The following MLXIP variants were observed in gnomAD, a reference collection of about 807,000 sequenced individuals.
The protein encoded by MLXIP is MLX interacting protein.
MLXIP carries 30 observed loss-of-function variants against 87.2 expected under a neutral mutation model. The observed-to-expected ratio is 0.34, with a 90% CI of 0.26 to 0.47. The LOEUF (loss-of-function observed/expected upper bound fraction) is 0.47. Ranked by LOEUF, MLXIP falls within the 20% of genes least tolerant of loss-of-function variation. The pLI is 1.00. For missense variants in MLXIP, 1,002 were observed against 1,240.1 expected (o/e 0.81, Z 2.88); for synonymous variants, 530 against 514.0 (o/e 1.03, Z -0.42).
chr12:122,088,077 G>A (rs563882276), intron 1 of MLXIP, among the ~76,000 whole-genome samples: 131 of 152,222 alleles, frequency 8.6e-4, no homozygotes, highest in Middle Eastern at 3.4e-3. Flanking sequence ...AGCCGTGGGC[G>A]GGCAGCTTCC....
chr12:122,125,288 C>T (rs1285137860), intron 1 of MLXIP, among the ~76,000 whole-genome samples: 2 of 151,404 alleles, frequency 1.3e-5, no homozygotes, highest in East Asian at 3.9e-4. Context: ...GCCAAGATCT[C>T]GCCACTGCAC....
intron 1 of MLXIP, among the ~76,000 whole-genome samples, chr12:122,107,199 C>T (rs1952534321): frequency 6.6e-6 from 1 of 152,122 alleles, no homozygotes; most frequent in Admixed American, 6.5e-5. Flanking sequence ...GGTGGCATTT[C>T]CTCGTGGCGG....
At chr12:122,083,445 G>A (rs1026417404) in intron 1 of MLXIP, among the ~76,000 whole-genome samples, 8 of 150,916 alleles carry the variant, frequency 5.3e-5, no homozygotes, top group African/African-American at 1.7e-4. Context: ...ACGGAGTTTC[G>A]CTCATGTTGC....
chr12:122,114,800 C>T (rs997857083), intron 1 of MLXIP, among the ~76,000 whole-genome samples: 2 of 142,086 alleles, frequency 1.4e-5, no homozygotes, highest in African/African-American at 5.3e-5. Context: ...GACTGGAGTG[C>T]GGTGGCACGA....
At chr12:122,097,279 C>T (rs150870813) in intron 1 of MLXIP, among the ~76,000 whole-genome samples, 76,778 of 151,898 alleles carry the variant, frequency 0.51, 19,914 homozygotes, top group Middle Eastern at 0.64. Context: ...AGTCCTGTCA[C>T]CCTGGCCTCA....
chr12:122,099,739 T>G (rs1952409167), intron 1 of MLXIP, among the ~76,000 whole-genome samples: 1 of 152,218 alleles, frequency 6.6e-6, no homozygotes, highest in Admixed American at 6.5e-5. Context: ...CCTCCTTGGT[T>G]TCCTATTTGT....
intron 1 of MLXIP, among the ~76,000 whole-genome samples, chr12:122,096,356 C>T (rs974645526): frequency 1.8e-4 from 28 of 152,050 alleles, no homozygotes; most frequent in Admixed American, 3.3e-4. Context: ...TTGATAACGC[C>T]TCCCATGTTT....
chr12:122,129,107 T>A, intron 3 of MLXIP, 30 bp from the exon 4 acceptor site: 2 of 1,561,276 alleles, frequency 1.3e-6, no homozygotes, highest in Non-Finnish European at 1.7e-6. Context: ...CAGAGCCCCC[T>A]CTTCACTCTG....
rs1025116853 is a variant in MLXIP at position 122,143,773 on chromosome 12, T to A, written c.*1961T>A. On this transcript the variant is annotated 3_prime_UTR_variant, in exon 17 of 17. Transcript: ENST00000319080. Reference sequence around the variant, plus strand: ...CCACCCCTTGCTGGGGAGTCATTTTTAAAAAAATCTGTGGGATATAAAATT... The same window carrying A: ...CCACCCCTTGCTGGGGAGTCATTTTAAAAAAAATCTGTGGGATATAAAATT... 12 of 152,180 alleles carry A rather than the reference T, an allele frequency of 7.9e-5. No individual in the cohort carries two copies. Among genetic ancestry groups the A allele is most frequent in the Admixed American group, 4.6e-4 (7 of 15,272 alleles). 9.4% of individuals were successfully genotyped at this position (152,180 alleles called of 1,614,324 possible). A position where few individuals can be genotyped will look rare whatever the true frequency, so the allele number is the denominator to read the frequency against.
intron 1 of MLXIP, among the ~76,000 whole-genome samples, chr12:122,107,026 C>G (rs1231300659): frequency 6.6e-6 from 1 of 152,200 alleles, no homozygotes; most frequent in African/African-American, 2.4e-5. Context: ...TCTGAGAGCA[C>G]TGGCAGGGGT....
At position 122,134,004 on chromosome 12, in the gene MLXIP, G is replaced by C; in HGVS notation, c.1732+17G>C. ...TCGCCCCAGGTGAGCCAGGCGGGGA[G>C]ACTCAGTGCGGGGCTCCCCCCGACC... On this transcript the variant is annotated intron_variant, in intron 9 of 16. Transcript: ENST00000319080. 6.3e-7 allele frequency: 1 copy of C among 1,583,210 alleles called. No homozygotes were observed. The highest frequency in any genetic ancestry group is 1.2e-5 in the South Asian group (1 of 86,808).
intron 7 of MLXIP, among the ~76,000 whole-genome samples, chr12:122,131,300 C>T (rs541755168): frequency 2.0e-4 from 31 of 152,092 alleles, no homozygotes; most frequent in Middle Eastern, 3.4e-3. Flanking sequence ...TTTCAGAGCC[C>T]AGGATAGTTG....
At chr12:122,140,086 C>T (rs981317703) in intron 15 of MLXIP, among the ~76,000 whole-genome samples, 5 of 152,276 alleles carry the variant, frequency 3.3e-5, no homozygotes, top group Non-Finnish European at 7.4e-5. Context: ...AGCTGGGTGG[C>T]GTCTGGAATG....
Position 122,147,339 on chromosome 12 carries a change from T to C in MLXIP, c.*5527T>C, listed in dbSNP as rs1332722987. The C allele has an allele frequency of 2.0e-5, 3 of 152,318 alleles. No individual in the cohort carries two copies. The highest frequency in any genetic ancestry group is 7.2e-5 in the African/African-American group (3 of 41,560). The allele number at this position is 152,318 out of a possible 1,614,324, so 9.4% of individuals were successfully genotyped here. On this transcript the variant is annotated 3_prime_UTR_variant, in exon 17 of 17. Transcript: ENST00000319080. ...GACAATAAAGACACCTTATTTTTTT[T>C]GAAAAGCCTGTGATGTGTGGCCTTA... is the stretch of plus-strand genomic sequence containing the variant.
At chr12:122,125,834 C>T (rs1294949049) in intron 1 of MLXIP, among the ~76,000 whole-genome samples, 1 of 152,152 alleles carries the variant, frequency 6.6e-6, no homozygotes, top group Non-Finnish European at 1.5e-5. Flanking sequence ...AGCCTGGGCT[C>T]CTTGGGGGTT....
At position 122,137,778 on chromosome 12, in the gene MLXIP, G is replaced by GA; in HGVS notation, c.2154+189dup. The GA allele has an allele frequency of 2.1e-6, 1 of 472,752 alleles. No homozygotes were observed. The highest frequency in any genetic ancestry group is 2.8e-6 in the Non-Finnish European group (1 of 361,670). 29.3% of individuals were successfully genotyped at this position (472,752 alleles called of 1,614,324 possible). A position where few individuals can be genotyped will look rare whatever the true frequency, so the allele number is the denominator to read the frequency against. ...CCCTGTGGGGATGGTGGGCCCCCTG[G>GA]AGGCTTTTGGGTGAGCCCCAAGCCT... On this transcript the variant is annotated intron_variant, in intron 12 of 16. Coordinates refer to ENST00000319080, the MANE Select transcript of MLXIP (RefSeq NM_014938.6). The surrounding 1 kb of genome is among the most constrained non-coding windows in gnomAD (Gnocchi z 4.1).
chr12:122,141,182 G>A, intron 16 of MLXIP, 99 bp downstream of exon 16: 1 of 1,455,846 alleles, frequency 6.9e-7, no homozygotes. Context: ...ACTGCAGGCA[G>A]CCAGGTGGGG....
Position 122,135,842 on chromosome 12 carries a change from G to A in MLXIP, c.2032+176G>A, listed in dbSNP as rs1953081443. 1 of 809,706 alleles carries A rather than the reference G, an allele frequency of 1.2e-6. No individual in the cohort carries two copies. Among genetic ancestry groups the A allele is most frequent in the African/African-American group, 1.8e-5 (1 of 55,864 alleles). 50.2% of individuals were successfully genotyped at this position (809,706 alleles called of 1,614,324 possible). On this transcript the variant is annotated intron_variant, in intron 11 of 16. Transcript: ENST00000319080. The surrounding 1 kb of genome is among the most constrained non-coding windows in gnomAD (Gnocchi z 5.3). ...TGGGAACACGCTCTGTGGGTGGCAG[G>A]ATGAAATGTGGTGGCACTGGCAGGG...
chr12:122,138,583 G>A (rs1209309613), intron 14 of MLXIP, 32 bp downstream of exon 14: 2 of 1,594,346 alleles, frequency 1.3e-6, no homozygotes, highest in African/African-American at 2.7e-5. Context: ...CTCCAACCAG[G>A]CACCCCATCC....
Sources: allele counts gnomAD v4.1 joint callset (sites outside exome capture counted in the v4.1 genomes callset), GRCh38; gene constraint gnomAD v4.1.1; non-coding constraint Gnocchi (gnomAD v3.1); transcripts MANE v1.5; gene names NCBI Gene and HGNC (gene_info 2026-07-23, HGNC 2026-07-21).